Variants in KIAA1217 observed in about 807,000 individuals in gnomAD.
KIAA1217 encodes sickle tail protein homolog.
Under a neutral mutation model 163.9 loss-of-function variants are expected in KIAA1217, and 88 were observed. That is an observed-to-expected ratio of 0.54 (90% CI 0.45 to 0.64). The LOEUF is 0.64. KIAA1217 is among the 30% of genes least tolerant of loss of function. The pLI is 0.00. For synonymous variants in KIAA1217, 903 were observed against 923.1 expected, an observed-to-expected ratio of 0.98 and a Z score of 0.39; for missense variants, 2,372 against 2,475.0, an observed-to-expected ratio of 0.96 and a Z score of 0.88.
At chr10:23,740,759 G>T (rs1398429937) in intron 1 of KIAA1217, among the ~76,000 whole-genome samples, 4 of 151,420 alleles carry the variant, frequency 2.6e-5, no homozygotes, top group African/African-American at 4.9e-5. Context: ...AGACCTAAAG[G>T]TTGTATGTAG....
chr10:24,436,057 C>T (rs1250560123), intron 4 of KIAA1217, among the ~76,000 whole-genome samples: 3 of 151,924 alleles, frequency 2.0e-5, no homozygotes, highest in Non-Finnish European at 4.4e-5. Context: ...GATGGGGTTT[C>T]ACCATGTTGG....
At chr10:24,407,682 C>T (rs1228798232) in intron 3 of KIAA1217, among the ~76,000 whole-genome samples, 1 of 152,074 alleles carries the variant, frequency 6.6e-6, no homozygotes, top group African/African-American at 2.4e-5. Flanking sequence ...CGAAGGCAGA[C>T]ATGGCCATAA....
chr10:23,842,108 T>A (rs536730171), intron 1 of KIAA1217, among the ~76,000 whole-genome samples: 1 of 152,244 alleles, frequency 6.6e-6, no homozygotes, highest in South Asian at 2.1e-4. Flanking sequence ...CTTCAGATGA[T>A]CTGCCTGCCT....
chr10:23,898,791 T>C (rs1841825353), intron 1 of KIAA1217, among the ~76,000 whole-genome samples: 1 of 152,134 alleles, frequency 6.6e-6, no homozygotes. Context: ...TCTCAATGAA[T>C]TTGACTACTC....
At chr10:24,314,902 C>T (rs1446760205) in intron 2 of KIAA1217, among the ~76,000 whole-genome samples, 1 of 152,074 alleles carries the variant, frequency 6.6e-6, no homozygotes, top group Non-Finnish European at 1.5e-5. Context: ...TGAGATAGCG[C>T]CGCTGCACTC....
chr10:24,411,757 CCAA>C (rs2057792616), intron 3 of KIAA1217, among the ~76,000 whole-genome samples: 1 of 152,082 alleles, frequency 6.6e-6, no homozygotes, highest in African/African-American at 2.4e-5. Context: ...AATTAAAGCT[CCAA>C]CATGACTTTT....
chr10:23,938,671 A>C (rs963705192), intron 1 of KIAA1217, among the ~76,000 whole-genome samples: 1 of 95,112 alleles, frequency 1.1e-5, no homozygotes, highest in Non-Finnish European at 2.6e-5. Flanking sequence ...ATTTAGAGTA[A>C]AAAAAAAAAG....
chr10:23,829,376 G>A (rs1292175212), intron 1 of KIAA1217, among the ~76,000 whole-genome samples: 1 of 152,116 alleles, frequency 6.6e-6, no homozygotes, highest in African/African-American at 2.4e-5. Flanking sequence ...CAAACTCTCA[G>A]CTCTGTTATT....
At chr10:24,127,859 T>G (rs1353223066) in intron 2 of KIAA1217, among the ~76,000 whole-genome samples, 1 of 152,210 alleles carries the variant, frequency 6.6e-6, no homozygotes, top group Non-Finnish European at 1.5e-5. Flanking sequence ...ATCCTGTAAT[T>G]TTGAAATGTT....
intron 1 of KIAA1217, among the ~76,000 whole-genome samples, chr10:23,787,396 T>C (rs555383511): frequency 6.6e-6 from 1 of 152,180 alleles, no homozygotes; most frequent in Non-Finnish European, 1.5e-5. Context: ...ATATCATCAG[T>C]GATCCAGGAG....
intron 1 of KIAA1217, among the ~76,000 whole-genome samples, chr10:23,733,130 C>G (rs902473496): frequency 6.6e-6 from 1 of 152,004 alleles, no homozygotes; most frequent in African/African-American, 2.4e-5. Context: ...TCTCATGCCT[C>G]AGCTTCCCAA....
intron 2 of KIAA1217, among the ~76,000 whole-genome samples, chr10:24,355,818 G>A (rs1166546883): frequency 6.3e-5 from 8 of 126,222 alleles, no homozygotes; most frequent in African/African-American, 1.8e-4. Context: ...GCCCGATCTC[G>A]GCTCACTGCA....
In KIAA1217 at chr10:23,937,236, G is replaced by A. The variant is rs77921926; in HGVS notation, c.-320-69989G>A. On this transcript the variant is annotated intron_variant, in intron 1 of 18. Transcript: ENST00000376462. ...TTACATATGATGTAATTATAGGGAC[G>A]GAGCTTTTTAGGAGTGAGGGAGGAG... Among the ~76,000 whole-genome samples, 459 of 152,206 alleles carry A rather than the reference G, an allele frequency of 3.0e-3. 1 individual carries two copies. The highest frequency in any genetic ancestry group is 0.01 in the African/African-American group (432 of 41,530).
chr10:24,253,604 T>A (rs2074802090), intron 2 of KIAA1217, among the ~76,000 whole-genome samples: 1 of 152,162 alleles, frequency 6.6e-6, no homozygotes, highest in African/African-American at 2.4e-5. Flanking sequence ...TGTAGGCATG[T>A]GCCTGTAATC....
chr10:24,275,633 A>T (rs2077198419), intron 2 of KIAA1217: 1 of 469,748 alleles, frequency 2.1e-6, no homozygotes, highest in Admixed American at 2.3e-5. Context: ...ATGCTTTAGT[A>T]GTCTCAAGTA....
At chr10:23,959,911 C>CTTTT (rs1326171008) in intron 1 of KIAA1217, among the ~76,000 whole-genome samples, 103 of 106,218 alleles carry the variant, frequency 9.7e-4, no homozygotes, top group African/African-American at 1.7e-3. Flanking sequence ...TCATAGACTT[C>CTTTT]TTTTTTTTTT....
intron 2 of KIAA1217, among the ~76,000 whole-genome samples, chr10:24,378,325 A>G (rs982889618): frequency 6.6e-6 from 1 of 152,186 alleles, no homozygotes; most frequent in Non-Finnish European, 1.5e-5. Flanking sequence ...ACTACTGTTC[A>G]GTCCAATCAG....
chr10:24,126,595 C>T (rs556698306), intron 2 of KIAA1217, among the ~76,000 whole-genome samples: 1 of 152,106 alleles, frequency 6.6e-6, no homozygotes, highest in Non-Finnish European at 1.5e-5. Flanking sequence ...AATATGTAGC[C>T]AGATTGGATA....
intron 1 of KIAA1217, among the ~76,000 whole-genome samples, chr10:23,755,238 A>G (rs933999686): frequency 6.6e-6 from 1 of 152,198 alleles, no homozygotes; most frequent in African/African-American, 2.4e-5. Context: ...GAGCTTATTG[A>G]GAGAAATTGA....
Sources: allele counts gnomAD v4.1 joint callset (sites outside exome capture counted in the v4.1 genomes callset), GRCh38; gene constraint gnomAD v4.1.1; transcripts MANE v1.5; gene names NCBI Gene and HGNC (gene_info 2026-07-23, HGNC 2026-07-21).